The following WNT10A variants were observed in gnomAD, a reference collection of about 807,000 sequenced individuals.
The protein encoded by WNT10A is protein Wnt-10a.
Under a neutral mutation model 36.1 loss-of-function variants are expected in WNT10A, and 37 were observed. That is an observed-to-expected ratio of 1.02 (90% CI 0.79 to 1.35). WNT10A has a LOEUF of 1.35. WNT10A is among the 40% of genes most tolerant of loss of function. The pLI is 0.00. For synonymous variants in WNT10A, 255 were observed against 254.1 expected (o/e 1.00, Z -0.03); for missense variants, 613 against 601.4 (o/e 1.02, Z -0.20).
At chr2:218,877,875 T>C (rs1421882166), upstream of WNT10A, among the ~76,000 whole-genome samples, 1 of 152,170 alleles carries the variant, frequency 6.6e-6, no homozygotes, top group Non-Finnish European at 1.5e-5. The surrounding 1 kb of genome is among the most constrained non-coding windows in gnomAD (Gnocchi z 4.1). Flanking sequence ...GCGTTCTTCT[T>C]CAGCAAGACA....
the WNT10A span, chr2:218,874,118 A>G: frequency 2.3e-6 from 1 of 433,226 alleles, no homozygotes; most frequent in Admixed American, 4.3e-5. Flanking sequence ...AGGAGGAAAC[A>G]GTTTTTTAGA....
chr2:218,891,867 C>T (rs73993335), intron 3 of WNT10A, among the ~76,000 whole-genome samples: 3,115 of 152,216 alleles, frequency 0.02, 101 homozygotes, highest in African/African-American at 0.07. Flanking sequence ...TCGGAGTGGA[C>T]TGAGGGAAAG....
In WNT10A at chr2:218,893,073, G is replaced by A. The variant is rs1376427067; in HGVS notation, c.1056G>A (p.Leu352=). Residue 352 remains leucine, a synonymous_variant, in exon 4 of 4, where the codon CTG becomes CTA. Coordinates refer to ENST00000258411, the MANE Select transcript of WNT10A (RefSeq NM_025216.3). This position sits in a 1 kb window ranked among gnomAD's most constrained non-coding sequence, Gnocchi z 6.3. ...SPDFCEREPR[L]DSAGTVGRLC... ...ACTTCTGCGAGCGCGAGCCGCGCCTGGACTCGGCGGGCACCGTGGGCCGCC... is the reference window on the plus strand; with the variant it reads ...ACTTCTGCGAGCGCGAGCCGCGCCTAGACTCGGCGGGCACCGTGGGCCGCC... 1 of 1,596,684 alleles carries A rather than the reference G, an allele frequency of 6.3e-7. No individual in the cohort carries two copies. The highest frequency in any genetic ancestry group is 1.7e-5 in the Admixed American group (1 of 59,952).
chr2:218,890,961 T>C (rs532282285), intron 3 of WNT10A, among the ~76,000 whole-genome samples: 3 of 152,264 alleles, frequency 2.0e-5, no homozygotes, highest in African/African-American at 7.2e-5. Context: ...ATTAAATACA[T>C]ACACACATAC....
chr2:218,889,859 T>G, intron 2 of WNT10A, 125 bp from the exon 3 acceptor site: 1 of 1,496,916 alleles, frequency 6.7e-7, no homozygotes, highest in South Asian at 1.2e-5. Flanking sequence ...TGACTCTGTT[T>G]CCTTGTGCCA....
At chr2:218,876,326 T>C (rs1646111261), upstream of WNT10A, among the ~76,000 whole-genome samples, 1 of 152,066 alleles carries the variant, frequency 6.6e-6, no homozygotes, top group Non-Finnish European at 1.5e-5. Context: ...GCACAGTCCT[T>C]CAAATGAAAC....
At chr2:218,879,231 G>A (rs1386125280), upstream of WNT10A, among the ~76,000 whole-genome samples, 1 of 152,136 alleles carries the variant, frequency 6.6e-6, no homozygotes, top group Non-Finnish European at 1.5e-5. Context: ...GGACAAGGAG[G>A]GCCCCACCCC....
chr2:218,889,960 T>C (rs373425373), intron 2 of WNT10A, 24 bp from the exon 3 acceptor site: 9 of 1,611,700 alleles, frequency 5.6e-6, no homozygotes, highest in South Asian at 1.1e-5. Context: ...CCAGAGTCCA[T>C]GTGTTCTGGG....
chr2:218,889,946 C>T (rs368482254), intron 2 of WNT10A, 38 bp from the exon 3 acceptor site: 1 of 1,611,192 alleles, frequency 6.2e-7, no homozygotes, highest in Non-Finnish European at 8.5e-7. Context: ...GTGTCAAGGC[C>T]CCTCCAGAGT....
At chr2:218,874,438 C>A in the WNT10A span, among the ~76,000 whole-genome samples, 2 of 152,282 alleles carry the variant, frequency 1.3e-5, no homozygotes, top group East Asian at 3.9e-4. Flanking sequence ...GATCTGCAAG[C>A]TGGAGAAGAA....
At chr2:218,885,072 G>A (rs1023592156) in intron 2 of WNT10A, among the ~76,000 whole-genome samples, 5 of 152,188 alleles carry the variant, frequency 3.3e-5, no homozygotes, top group Admixed American at 3.3e-4. Context: ...GGAGGGAGAA[G>A]AGGGCTTGAG....
chr2:218,882,476 A>G, intron 2 of WNT10A, 53 bp downstream of exon 2: 2 of 1,609,244 alleles, frequency 1.2e-6, no homozygotes, highest in Non-Finnish European at 1.7e-6. Context: ...TCTCCACCTC[A>G]GAATCTATTC....
intron 1 of WNT10A, among the ~76,000 whole-genome samples, chr2:218,881,568 G>T (rs943306250): frequency 4.6e-5 from 7 of 150,568 alleles, no homozygotes; most frequent in Admixed American, 3.5e-4. Context: ...GTGTGTGTGT[G>T]TTTTCAATCG....
chr2:218,890,410 C>G (rs776250289), intron 3 of WNT10A, 47 bp downstream of exon 3: 1 of 1,598,308 alleles, frequency 6.3e-7, no homozygotes, highest in Non-Finnish European at 8.5e-7. Flanking sequence ...TTGCCTAGGG[C>G]CTACCCCTTG....
upstream of WNT10A, among the ~76,000 whole-genome samples, chr2:218,879,865 GTC>G (rs1164645024): frequency 6.6e-6 from 1 of 152,202 alleles, no homozygotes; most frequent in Admixed American, 6.5e-5. Context: ...AGGGTTAAAA[GTC>G]TCTCTAACGC....
chr2:218,877,570 CAT>C (rs1944463941), upstream of WNT10A, among the ~76,000 whole-genome samples: 1 of 152,126 alleles, frequency 6.6e-6, no homozygotes, highest in Non-Finnish European at 1.5e-5. This position sits in a 1 kb window ranked among gnomAD's most constrained non-coding sequence, Gnocchi z 4.1. Flanking sequence ...TGGCAGGGGA[CAT>C]GTGGAACTGG....
intron 2 of WNT10A, among the ~76,000 whole-genome samples, chr2:218,883,437 C>T (rs1254419982): frequency 1.3e-5 from 2 of 152,094 alleles, no homozygotes; most frequent in East Asian, 1.9e-4. Flanking sequence ...CTCAGAAAGC[C>T]GCGGCCCTTC....
intron 2 of WNT10A, among the ~76,000 whole-genome samples, chr2:218,885,582 C>T (rs1944568637): frequency 1.3e-5 from 2 of 152,218 alleles, no homozygotes; most frequent in African/African-American, 4.8e-5. Flanking sequence ...AGTTTAGGTA[C>T]TGTCTTCCCT....
chr2:218,882,547 T>C (rs1944531365), intron 2 of WNT10A, 124 bp downstream of exon 2: 1 of 1,270,906 alleles, frequency 7.9e-7, no homozygotes, highest in South Asian at 1.3e-5. Context: ...CACCCATCTG[T>C]TGGCCCTGCT....
Sources: gnomAD v4.1 joint callset for allele counts (sites outside exome capture counted in the v4.1 genomes callset) on GRCh38, gnomAD v4.1.1 for gene constraint, Gnocchi (gnomAD v3.1) non-coding constraint, MANE v1.5 for transcripts, NCBI Gene and HGNC (gene_info 2026-07-23, HGNC 2026-07-21) for gene names.